TMEM132B: variants seen among roughly 807,000 people sequenced by gnomAD.
TMEM132B encodes transmembrane protein 132B.
TMEM132B carries 18 observed loss-of-function variants against 90.8 expected under a neutral mutation model. The ratio of observed to expected loss-of-function variants is 0.20; its 90% confidence interval spans 0.14 to 0.29. The LOEUF is 0.29. Ranked by LOEUF, TMEM132B falls within the 10% of genes least tolerant of loss-of-function variation. The pLI is 1.00. For synonymous variants in TMEM132B, 504 were observed against 523.3 expected, an observed-to-expected ratio of 0.96 and a Z score of 0.50; for missense variants, 1,096 against 1,326.8, an observed-to-expected ratio of 0.83 and a Z score of 2.70.
intron 3 of TMEM132B, among the ~76,000 whole-genome samples, chr12:125,419,997 G>A (rs1243456035): frequency 6.6e-6 from 1 of 152,206 alleles, no homozygotes; most frequent in Non-Finnish European, 1.5e-5. Flanking sequence ...CAAAAGGTAG[G>A]TTCCCATGGT....
rs1881410766 is a variant in TMEM132B at position 125,460,561 on chromosome 12, A to G, written c.1106+44884A>G. Among the ~76,000 whole-genome samples the G allele has an allele frequency of 1.3e-5, 2 of 152,226 alleles. No individual in the cohort carries two copies. The highest frequency in any genetic ancestry group is 1.3e-4 in the Admixed American group (2 of 15,282). On this transcript the variant is annotated intron_variant, in intron 3 of 8. Coordinates refer to ENST00000682704, the MANE Select transcript of TMEM132B (RefSeq NM_001366854.1). This position sits in a 1 kb window ranked among gnomAD's most constrained non-coding sequence, Gnocchi z 4.4. ...CATCTTAATTTTCGTTCTTAAGCTAAAGAAATCATCTCTCCTTCAGTCCAA... is the reference window on the plus strand; with the variant it reads ...CATCTTAATTTTCGTTCTTAAGCTAGAGAAATCATCTCTCCTTCAGTCCAA...
rs1874521983 is a variant in TMEM132B at position 125,259,879 on chromosome 12, T to G, written c.67+73013T>G. On this transcript the variant is annotated intron_variant, in intron 1 of 8. Transcript: ENST00000682704. ...ATGGGGGTGCTGCCGCCCTCGTGGC[T>G]TTGGGCTGAGCTCACTGCAGAGTCT... Among the ~76,000 whole-genome samples the G allele has an allele frequency of 2.0e-5, 3 of 151,818 alleles. No homozygotes were observed. The South Asian group carries it at 6.3e-4, about 32-fold the overall frequency.
At chr12:125,417,968 G>C (rs897277108) in intron 3 of TMEM132B, among the ~76,000 whole-genome samples, 3 of 152,152 alleles carry the variant, frequency 2.0e-5, no homozygotes, top group African/African-American at 7.2e-5. Context: ...GATTGTTGGT[G>C]GGCAGCAGAT....
chr12:125,571,237 T>G (rs1410059211), intron 4 of TMEM132B, among the ~76,000 whole-genome samples: 1 of 152,070 alleles, frequency 6.6e-6, no homozygotes, highest in Non-Finnish European at 1.5e-5. Context: ...AGCAGCGGAG[T>G]GATTCTGGCC....
At chr12:125,474,052 T>G (rs1881793786) in intron 3 of TMEM132B, among the ~76,000 whole-genome samples, 1 of 130,688 alleles carries the variant, frequency 7.7e-6, no homozygotes, top group Non-Finnish European at 1.6e-5. Context: ...CCTTCCTTCT[T>G]TCTTTTTCCT....
At chr12:125,376,731 G>A (rs143948375) in intron 2 of TMEM132B, among the ~76,000 whole-genome samples, 18 of 152,296 alleles carry the variant, frequency 1.2e-4, no homozygotes, top group African/African-American at 3.8e-4. Context: ...GGCTGAGGCC[G>A]CCCTATGAAG....
At chr12:125,299,800 T>C (rs1875772762) in intron 1 of TMEM132B, among the ~76,000 whole-genome samples, 1 of 152,226 alleles carries the variant, frequency 6.6e-6, no homozygotes, top group Non-Finnish European at 1.5e-5. Context: ...CTGGTCTAAG[T>C]GACCCCTCCC....
chr12:125,257,972 G>A (rs1385875156), intron 1 of TMEM132B, among the ~76,000 whole-genome samples: 1 of 152,174 alleles, frequency 6.6e-6, no homozygotes, highest in Non-Finnish European at 1.5e-5. Flanking sequence ...AATGTGTATT[G>A]TCTTAAGCCA....
chr12:125,412,870 CAAGA>C (rs756999365), intron 2 of TMEM132B, among the ~76,000 whole-genome samples: 17 of 151,902 alleles, frequency 1.1e-4, no homozygotes, highest in Admixed American at 3.3e-4. Flanking sequence ...ATCATGACGG[CAAGA>C]AAGAAAGCTT....
intron 4 of TMEM132B, among the ~76,000 whole-genome samples, chr12:125,530,365 GT>G (rs1883612805): frequency 6.6e-6 from 1 of 151,726 alleles, no homozygotes; most frequent in Non-Finnish European, 1.5e-5. Flanking sequence ...GATGCATCCT[GT>G]AAAGCTCCAT....
intron 3 of TMEM132B, among the ~76,000 whole-genome samples, chr12:125,481,300 A>G (rs977019481): frequency 2.0e-5 from 3 of 152,220 alleles, no homozygotes; most frequent in Non-Finnish European, 4.4e-5. Context: ...CAATTAGGAA[A>G]AGAGGAAGTC....
chr12:125,271,263 A>T (rs1468873567), intron 1 of TMEM132B, among the ~76,000 whole-genome samples: 2 of 152,134 alleles, frequency 1.3e-5, no homozygotes, highest in Admixed American at 6.6e-5. Context: ...TTTTATTCAC[A>T]GTGGCCACGA....
chr12:125,481,947 C>T (rs998108753), intron 3 of TMEM132B, among the ~76,000 whole-genome samples: 3 of 152,106 alleles, frequency 2.0e-5, no homozygotes, highest in African/African-American at 4.8e-5. Context: ...GAAATAACAC[C>T]GCACATCTAC....
At chr12:125,536,376 G>A (rs940028491) in intron 4 of TMEM132B, among the ~76,000 whole-genome samples, 6 of 152,190 alleles carry the variant, frequency 3.9e-5, no homozygotes, top group Admixed American at 3.3e-4. Flanking sequence ...TTGGCTCCAG[G>A]GGTGATCATT....
intron 2 of TMEM132B, 48 bp downstream of exon 2, chr12:125,350,391 ATCAATGAATTG>A: frequency 6.5e-7 from 1 of 1,537,600 alleles, no homozygotes; most frequent in Non-Finnish European, 8.7e-7. Flanking sequence ...ACTCTTAGTA[ATCAATGAATTG>A]TCAATGAATA....
intron 3 of TMEM132B, among the ~76,000 whole-genome samples, chr12:125,516,174 C>T (rs1205919727): frequency 6.6e-6 from 1 of 152,084 alleles, no homozygotes; most frequent in East Asian, 1.9e-4. Context: ...CACACACACT[C>T]ACATACACTA....
chr12:125,522,822 C>A (rs1413468050), intron 4 of TMEM132B, among the ~76,000 whole-genome samples: 1 of 152,198 alleles, frequency 6.6e-6, no homozygotes, highest in African/African-American at 2.4e-5. Flanking sequence ...ACTGTCTCTC[C>A]AGTATGTTCT....
rs1204568088 is a variant in TMEM132B, at chr12:125,262,445, G to A, written c.67+75579G>A. Among the ~76,000 whole-genome samples, 4 of 152,066 alleles carry A rather than the reference G, an allele frequency of 2.6e-5. 1 individual carries two copies. The highest frequency in any genetic ancestry group is 5.9e-5 in the Non-Finnish European group (4 of 68,002). Reference sequence around the variant, plus strand: ...AATAGCTGTATTTTTGGTCTGTCTTGAAACAGAGAAAGCACTGGCAACATT... The same window carrying A: ...AATAGCTGTATTTTTGGTCTGTCTTAAAACAGAGAAAGCACTGGCAACATT... On this transcript the variant is annotated intron_variant, in intron 1 of 8. Coordinates refer to ENST00000682704, the MANE Select transcript of TMEM132B (RefSeq NM_001366854.1).
At chr12:125,646,377 C>A (rs1886765050) in intron 6 of TMEM132B, among the ~76,000 whole-genome samples, 1 of 152,154 alleles carries the variant, frequency 6.6e-6, no homozygotes, top group African/African-American at 2.4e-5. Context: ...TTCCAGACAG[C>A]AAATGATGAA....
Sources: gnomAD v4.1 joint callset for allele counts (sites outside exome capture counted in the v4.1 genomes callset) on GRCh38, gnomAD v4.1.1 for gene constraint, Gnocchi (gnomAD v3.1) non-coding constraint, MANE v1.5 for transcripts, NCBI Gene and HGNC (gene_info 2026-07-23, HGNC 2026-07-21) for gene names.